JADE3: variants seen among roughly 807,000 people sequenced by gnomAD.
The protein encoded by JADE3 is protein Jade-3.
In JADE3, 2 loss-of-function variants were observed where a neutral mutation model predicts 50.1. That is an observed-to-expected ratio of 0.04 (90% CI 0.02 to 0.13). The LOEUF (loss-of-function observed/expected upper bound fraction) is 0.13, where lower values mean the gene tolerates loss of function less well. Ranked by LOEUF, JADE3 falls within the 10% of genes least tolerant of loss-of-function variation. The pLI is 1.00. For synonymous variants in JADE3, 218 were observed against 232.9 expected, an observed-to-expected ratio of 0.94 and a Z score of 0.58; for missense variants, 475 against 634.4, an observed-to-expected ratio of 0.75 and a Z score of 2.70.
chrX:46,975,047 C>T (rs1556351300), intron 1 of JADE3, among the ~76,000 whole-genome samples: 1 of 3,831 alleles, frequency 2.6e-4, no homozygotes, highest in African/African-American at 3.4e-4. Context: ...TGCCAAATGT[C>T]CCCTGGGGGG....
intron 1 of JADE3, among the ~76,000 whole-genome samples, chrX:46,935,174 T>TCCGC (rs1926589220): frequency 9.0e-6 from 1 of 111,498 alleles, no homozygotes; most frequent in Admixed American, 9.5e-5. Flanking sequence ...CCTCAAGTGA[T>TCCGC]TCACCTGCTT....
At chrX:47,053,452 T>C (rs12847315) in intron 8 of JADE3, among the ~76,000 whole-genome samples, 1 of 110,487 alleles carries the variant, frequency 9.1e-6, no homozygotes, top group Non-Finnish European at 1.9e-5. Context: ...AGAGACAGGG[T>C]TTCGCCATGT....
chrX:47,009,769 C>T (rs1443403399), intron 4 of JADE3, among the ~76,000 whole-genome samples: 1 of 108,797 alleles, frequency 9.2e-6, no homozygotes, highest in Non-Finnish European at 1.9e-5. Flanking sequence ...GGACTACAGG[C>T]GCACACCACC....
chrX:47,049,533 T>C (rs1305325521), intron 8 of JADE3, among the ~76,000 whole-genome samples: 3 of 107,886 alleles, frequency 2.8e-5, no homozygotes, highest in Non-Finnish European at 5.8e-5. Flanking sequence ...CACGGCTCAC[T>C]GCAGCCTCAA....
At chrX:47,040,233 G>A (rs915748166) in intron 8 of JADE3, among the ~76,000 whole-genome samples, 4 of 111,951 alleles carry the variant, frequency 3.6e-5, no homozygotes, top group Admixed American at 9.5e-5. Context: ...GGTGAAGAGG[G>A]GACATTGCAC....
chrX:47,002,294 A>G (rs1474347320), intron 4 of JADE3, among the ~76,000 whole-genome samples: 1 of 111,822 alleles, frequency 8.9e-6, no homozygotes, highest in African/African-American at 3.2e-5. Flanking sequence ...TATGAGGCAT[A>G]GATCAAAGTT....
chrX:46,987,800 C>G (rs917904447), intron 3 of JADE3, among the ~76,000 whole-genome samples: 11 of 112,251 alleles, frequency 9.8e-5, no homozygotes, highest in African/African-American at 3.6e-4. Flanking sequence ...GGCCTACTGC[C>G]TCCCAGGCAG....
intron 1 of JADE3, among the ~76,000 whole-genome samples, chrX:46,962,682 T>G (rs1927287174): frequency 8.9e-6 from 1 of 112,074 alleles, no homozygotes; most frequent in Non-Finnish European, 1.9e-5. Flanking sequence ...CTTTGGAGAC[T>G]AAGAGAAGCA....
At chrX:46,919,524 G>A (rs781950633) in intron 1 of JADE3, among the ~76,000 whole-genome samples, 1 of 112,210 alleles carries the variant, frequency 8.9e-6, no homozygotes, top group East Asian at 2.8e-4. Context: ...TGGTTGCAGT[G>A]AAAAATCCAG....
intron 1 of JADE3, among the ~76,000 whole-genome samples, chrX:46,921,235 C>G (rs1385676406): frequency 1.8e-5 from 2 of 112,066 alleles, no homozygotes; most frequent in Admixed American, 1.9e-4. Flanking sequence ...TGCCACTATG[C>G]CCACCTATTT....
At chrX:47,034,579 CCTTTA>C (rs1569538237) in intron 7 of JADE3, among the ~76,000 whole-genome samples, 1 of 109,440 alleles carries the variant, frequency 9.1e-6, no homozygotes, top group East Asian at 2.8e-4. Flanking sequence ...GTGATGATGC[CCTTTA>C]CTTTTTTATT....
intron 1 of JADE3, among the ~76,000 whole-genome samples, chrX:46,972,398 G>A (rs1927518340): frequency 9.0e-6 from 1 of 111,191 alleles, no homozygotes; most frequent in African/African-American, 3.3e-5. Context: ...GTTTTGCCGT[G>A]TTGTCCAGGC....
At chrX:46,946,600 G>A (rs1396138545) in intron 1 of JADE3, among the ~76,000 whole-genome samples, 1 of 112,268 alleles carries the variant, frequency 8.9e-6, no homozygotes, top group Non-Finnish European at 1.9e-5. Context: ...ATCTGTATGA[G>A]CTAAGATGGC....
chrX:46,960,764 G>T lies in JADE3; in HGVS notation c.-11-24120G>T, dbSNP rs782230296. On this transcript the variant is annotated intron_variant, in intron 1 of 10. Transcript: ENST00000614628. ...TTCCTTGTGAATCACTGAACCTAGG[G>T]GTGATCTTGGGAACCCCTTACACAG... Among the ~76,000 whole-genome samples, 3 of 111,619 alleles carry T rather than the reference G, an allele frequency of 2.7e-5. No homozygotes were observed. The South Asian group carries it at 1.1e-3, about 42-fold the overall frequency.
intron 1 of JADE3, among the ~76,000 whole-genome samples, chrX:46,956,808 C>T (rs1179710419): frequency 1.5e-4 from 15 of 100,094 alleles, no homozygotes; most frequent in Non-Finnish European, 2.4e-4. Context: ...CCCTTCCCCT[C>T]CCCTCCCCTT....
intron 4 of JADE3, among the ~76,000 whole-genome samples, chrX:47,006,172 T>TA (rs1247648683): frequency 1.3e-4 from 14 of 110,669 alleles, no homozygotes; most frequent in South Asian, 3.8e-4. Context: ...TGAAATAAGT[T>TA]AAAAAAAAAT....
intron 1 of JADE3, among the ~76,000 whole-genome samples, chrX:46,935,826 CT>C (rs142025908): frequency 5.3e-4 from 33 of 62,731 alleles, no homozygotes; most frequent in African/African-American, 2.0e-3. Flanking sequence ...AAGTCTTTCA[CT>C]TTTTTTTTTT....
chrX:46,913,536 C>T (rs1926014956), intron 1 of JADE3, among the ~76,000 whole-genome samples: 1 of 111,325 alleles, frequency 9.0e-6, no homozygotes, highest in African/African-American at 3.3e-5. Context: ...TTCCCTCCGC[C>T]CCGGGGGCCG....
chrX:46,953,812 C>T (rs963312233), intron 1 of JADE3, among the ~76,000 whole-genome samples: 1 of 111,632 alleles, frequency 9.0e-6, no homozygotes, highest in Non-Finnish European at 1.9e-5. Flanking sequence ...TCATTGACCT[C>T]GTTGTTTTCC....
Sources: gnomAD v4.1 joint callset for allele counts (sites outside exome capture counted in the v4.1 genomes callset) on GRCh38, gnomAD v4.1.1 for gene constraint, MANE v1.5 for transcripts, NCBI Gene and HGNC (gene_info 2026-07-23, HGNC 2026-07-21) for gene names.